TMPRSS11D: variants seen among roughly 807,000 people sequenced by gnomAD.
TMPRSS11D encodes the protein transmembrane serine protease 11D.
In TMPRSS11D, 32 loss-of-function variants were observed where a neutral mutation model predicts 44.4. The ratio of observed to expected loss-of-function variants is 0.72; its 90% CI spans 0.54 to 0.97. The LOEUF is 0.97. Among genes scored for constraint, TMPRSS11D ranks in the 50% least tolerant of loss-of-function variants. The pLI is 0.00. For missense variants in TMPRSS11D, 446 were observed against 502.6 expected (o/e 0.89, Z 1.08); for synonymous variants, 179 against 177.9 (o/e 1.01, Z -0.05).
At chr4:67,843,181 A>C (rs1718274970) in intron 3 of TMPRSS11D, among the ~76,000 whole-genome samples, 2 of 138,360 alleles carry the variant, frequency 1.4e-5, no homozygotes, top group Non-Finnish European at 3.1e-5. Context: ...ATTAGTTGGT[A>C]ATTTCTTTTT....
At chr4:67,883,467 C>T (rs1277683813) in intron 1 of TMPRSS11D, among the ~76,000 whole-genome samples, 3 of 151,838 alleles carry the variant, frequency 2.0e-5, no homozygotes, top group South Asian at 2.1e-4. Context: ...AGAAAAATAC[C>T]GTCTTTACTT....
chr4:67,825,700 T>C, intron 9 of TMPRSS11D, 32 bp downstream of exon 9: 1 of 1,609,558 alleles, frequency 6.2e-7, no homozygotes, highest in Non-Finnish European at 8.5e-7. Context: ...ACTTCTTGGA[T>C]GATGACATGG....
At chr4:67,867,122 A>G (rs868688401) in intron 1 of TMPRSS11D, among the ~76,000 whole-genome samples, 18 of 152,158 alleles carry the variant, frequency 1.2e-4, no homozygotes, top group African/African-American at 3.9e-4. Context: ...TCATACTGGC[A>G]TAAAAATAAA....
chr4:67,850,724 T>C (rs891894648), intron 3 of TMPRSS11D, among the ~76,000 whole-genome samples: 4 of 152,186 alleles, frequency 2.6e-5, no homozygotes, highest in African/African-American at 9.7e-5. Context: ...AGCTGTGCAG[T>C]GTCAGTGTGG....
At chr4:67,831,619 T>C (rs1560537650) in intron 7 of TMPRSS11D, among the ~76,000 whole-genome samples, 1 of 152,154 alleles carries the variant, frequency 6.6e-6, no homozygotes, top group East Asian at 1.9e-4. Flanking sequence ...GTCCAGGTAT[T>C]TTAATTCCTG....
chr4:67,854,135 T>C lies in TMPRSS11D; in HGVS notation c.182A>G (p.Tyr61Cys), dbSNP rs373094048. The C allele has an allele frequency of 1.9e-6, 3 of 1,600,134 alleles. No individual in the cohort carries two copies. The highest frequency in any genetic ancestry group is 2.6e-6 in the Non-Finnish European group (3 of 1,174,994). The change falls in exon 3 of 10, where the codon TAT becomes TGT. Residue 61 changes from tyrosine to cysteine, a missense_variant. Coordinates refer to ENST00000283916, the MANE Select transcript of TMPRSS11D (RefSeq NM_004262.3). Reference sequence around the variant, plus strand: ...AGCTGGTGAATTTAACTGACTATTATATTCAACATTTAGGAGTTGAAAACT... The same window carrying C: ...AGCTGGTGAATTTAACTGACTATTACATTCAACATTTAGGAGTTGAAAACT... ...RSSFQLLNVEYNSQLNSPATQ... is the reference protein window; with the variant it reads ...RSSFQLLNVECNSQLNSPATQ...
intron 1 of TMPRSS11D, among the ~76,000 whole-genome samples, chr4:67,877,852 C>T (rs922874005): frequency 6.6e-6 from 1 of 152,202 alleles, no homozygotes; most frequent in Non-Finnish European, 1.5e-5. Context: ...AACTAGGCTC[C>T]AACTAGTCTC....
intron 1 of TMPRSS11D, among the ~76,000 whole-genome samples, chr4:67,876,852 G>A (rs1302973513): frequency 6.6e-6 from 1 of 152,098 alleles, no homozygotes; most frequent in Non-Finnish European, 1.5e-5. Context: ...CCAAATAATT[G>A]TCCTTCCCTT....
intron 1 of TMPRSS11D, among the ~76,000 whole-genome samples, chr4:67,875,824 T>G (rs900157841): frequency 5.9e-5 from 9 of 152,344 alleles, no homozygotes; most frequent in Admixed American, 6.5e-5. Flanking sequence ...TGTCAGTGGT[T>G]GGTAAATCAA....
intron 4 of TMPRSS11D, among the ~76,000 whole-genome samples, chr4:67,841,954 CA>C (rs1236792305): frequency 2.6e-5 from 4 of 152,130 alleles, no homozygotes; most frequent in African/African-American, 9.7e-5. Context: ...TCATTTGAGA[CA>C]TTTGCGGGAG....
chr4:67,865,528 T>C (rs1325449020), intron 1 of TMPRSS11D, among the ~76,000 whole-genome samples: 2 of 151,146 alleles, frequency 1.3e-5, no homozygotes, highest in African/African-American at 2.4e-5. Flanking sequence ...AAAGGATCAA[T>C]GAAAGAAAAA....
rs1717819897 is a variant in TMPRSS11D, at chr4:67,827,264, C to T, written c.949G>A (p.Ala317Thr). The change falls in exon 8 of 10, where the codon GCT (alanine) becomes ACT (threonine). Residue 317 changes from alanine (A) to threonine (T), a missense_variant. Coordinates refer to ENST00000283916, the MANE Select transcript of TMPRSS11D (RefSeq NM_004262.3). ...TTTTTTTTTCCGAGACACTTACCAGCATATTCTTGAGCGCCCCATCCTGTT... is the reference window on the plus strand; with the variant it reads ...TTTTTTTTTCCGAGACACTTACCAGTATATTCTTGAGCGCCCCATCCTGTT... ...YVTGWGAQEYAGHTVPELRQG... is the reference protein window; with the variant it reads ...YVTGWGAQEYTGHTVPELRQG... The T allele has an allele frequency of 6.3e-7, 1 of 1,595,358 alleles. No individual in the cohort carries two copies. The highest frequency in any genetic ancestry group is 8.5e-7 in the Non-Finnish European group (1 of 1,173,764).
At chr4:67,851,101 C>G (rs555598603) in intron 3 of TMPRSS11D, among the ~76,000 whole-genome samples, 1 of 152,214 alleles carries the variant, frequency 6.6e-6, no homozygotes, top group African/African-American at 2.4e-5. Flanking sequence ...GGAAATGTAC[C>G]GAAGCGGGAG....
chr4:67,859,743 T>A (rs1461852349), intron 1 of TMPRSS11D, 65 bp from the exon 2 acceptor site: 3 of 1,588,202 alleles, frequency 1.9e-6, no homozygotes, highest in Non-Finnish European at 2.6e-6. Context: ...ATTTTAGTGT[T>A]CATGATTGTC....
chr4:67,877,874 A>G (rs1435224181), intron 1 of TMPRSS11D, among the ~76,000 whole-genome samples: 1 of 152,208 alleles, frequency 6.6e-6, no homozygotes, highest in African/African-American at 2.4e-5. Flanking sequence ...CTTCATCAAA[A>G]GATATCTCCT....
At chr4:67,877,593 G>A (rs1719221967) in intron 1 of TMPRSS11D, among the ~76,000 whole-genome samples, 1 of 152,110 alleles carries the variant, frequency 6.6e-6, no homozygotes, top group Non-Finnish European at 1.5e-5. Flanking sequence ...TCTTCTTTCT[G>A]ATTCTCACAA....
chr4:67,863,020 C>T (rs1465860979), intron 1 of TMPRSS11D, among the ~76,000 whole-genome samples: 1 of 150,192 alleles, frequency 6.7e-6, no homozygotes, highest in Admixed American at 6.7e-5. Flanking sequence ...CAAAGCTGCA[C>T]GTTACCCTAG....
chr4:67,857,316 TATATATACACACAC>T (rs1718674394), intron 2 of TMPRSS11D, among the ~76,000 whole-genome samples: 1 of 1,372 alleles, frequency 7.3e-4, no homozygotes, highest in African/African-American at 1.2e-3. Flanking sequence ...TATATATATA[TATATATACACACAC>T]ACACACACAC....
chr4:67,853,762 T>C (rs1262546178), intron 3 of TMPRSS11D, among the ~76,000 whole-genome samples: 1 of 152,216 alleles, frequency 6.6e-6, no homozygotes, highest in Non-Finnish European at 1.5e-5. Flanking sequence ...ATGAAAAGAA[T>C]TTAAAAAGAC....
Sources: allele counts gnomAD v4.1 joint callset (sites outside exome capture counted in the v4.1 genomes callset), GRCh38; gene constraint gnomAD v4.1.1; transcripts MANE v1.5; gene names NCBI Gene and HGNC (gene_info 2026-07-23, HGNC 2026-07-21).